RAB2A: variants seen among roughly 807,000 people sequenced by gnomAD.
RAB2A encodes RAB2A, member RAS oncogene family, also known as ras-related protein Rab-2A.
A neutral mutation model predicts 32.5 loss-of-function variants in RAB2A; 7 were observed. The ratio of observed to expected loss-of-function variants is 0.22; its 90% confidence interval spans 0.12 to 0.40. RAB2A has a LOEUF of 0.40. RAB2A is among the 10% of genes least tolerant of loss of function. The pLI is 1.00. For missense variants in RAB2A, 108 were observed against 260.7 expected (o/e 0.41, Z 4.03); for synonymous variants, 79 against 85.2 (o/e 0.93, Z 0.40).
chr8:60,545,251 C>T lies in RAB2A; in HGVS notation c.47-13601C>T, dbSNP rs556217180. On this transcript the variant is annotated intron_variant, in intron 1 of 7. Coordinates refer to ENST00000262646, the MANE Select transcript of RAB2A (RefSeq NM_002865.3). Reference sequence around the variant, plus strand: ...AAGAGGACTTAATTAGATTCTTGGGCCCCACGAAAGACGTGCTAAGTCTCT... The same window carrying T: ...AAGAGGACTTAATTAGATTCTTGGGTCCCACGAAAGACGTGCTAAGTCTCT... Among the ~76,000 whole-genome samples the T allele has an allele frequency of 9.9e-4, 151 of 152,218 alleles. 1 individual carries two copies. Among genetic ancestry groups the T allele is most frequent in the Middle Eastern group, 3.4e-3 (1 of 294 alleles).
intron 2 of RAB2A, among the ~76,000 whole-genome samples, chr8:60,569,246 TA>T (rs1397429301): frequency 1.6e-4 from 25 of 152,202 alleles, no homozygotes; most frequent in Non-Finnish European, 2.9e-4. Context: ...ATCTCATGAC[TA>T]AATATAATAC....
chr8:60,553,763 TGG>T (rs1807893617), intron 1 of RAB2A, among the ~76,000 whole-genome samples: 1 of 152,188 alleles, frequency 6.6e-6, no homozygotes, highest in African/African-American at 2.4e-5. Context: ...TAAAGTATTA[TGG>T]GAGCCCAAGG....
At chr8:60,581,437 G>A (rs1803748986) in intron 3 of RAB2A, among the ~76,000 whole-genome samples, 1 of 152,196 alleles carries the variant, frequency 6.6e-6, no homozygotes, top group Admixed American at 6.5e-5. Context: ...AGGATAGTGG[G>A]AGACTTTTAT....
intron 2 of RAB2A, among the ~76,000 whole-genome samples, chr8:60,567,203 C>T (rs1171002487): frequency 6.6e-6 from 1 of 151,532 alleles, no homozygotes; most frequent in Non-Finnish European, 1.5e-5. Context: ...GCAACCTCCA[C>T]CTCTTGGGTT....
At chr8:60,537,290 C>G (rs1462323164) in intron 1 of RAB2A, among the ~76,000 whole-genome samples, 1 of 152,082 alleles carries the variant, frequency 6.6e-6, no homozygotes, top group Non-Finnish European at 1.5e-5. Context: ...GGCGTGCTCT[C>G]AGCTCACTGC....
intron 1 of RAB2A, among the ~76,000 whole-genome samples, chr8:60,519,618 G>T (rs1051243567): frequency 1.3e-5 from 2 of 152,150 alleles, no homozygotes; most frequent in African/African-American, 2.4e-5. Context: ...ATTGATCCCA[G>T]ACTTTTCTGT....
At chr8:60,534,688 A>C (rs909459946) in intron 1 of RAB2A, among the ~76,000 whole-genome samples, 3 of 152,198 alleles carry the variant, frequency 2.0e-5, no homozygotes, top group Admixed American at 1.3e-4. Context: ...AAAATGTGGC[A>C]GTAAAGGGTT....
rs1807214555 is a variant in RAB2A at position 60,517,008 on chromosome 8, G to A, written c.-200G>A. 1 of 484,826 alleles carries A rather than the reference G, an allele frequency of 2.1e-6. No homozygotes were observed. The highest frequency in any genetic ancestry group is 3.5e-5 in the South Asian group (1 of 28,306). 30.0% of individuals were successfully genotyped at this position (484,826 alleles called of 1,614,324 possible). On this transcript the variant is annotated 5_prime_UTR_variant, in exon 1 of 8. Coordinates refer to ENST00000262646, the MANE Select transcript of RAB2A (RefSeq NM_002865.3). ...TGTTATTGTTCGGCTGGGCTCGGTC[G>A]GGCGCTGTCTCCCTCGGCTCTGCGG...
chr8:60,548,877 C>T (rs1197678848), intron 1 of RAB2A, among the ~76,000 whole-genome samples: 3 of 151,554 alleles, frequency 2.0e-5, no homozygotes, highest in Admixed American at 6.6e-5. Flanking sequence ...CTCCTCACTT[C>T]TCAGACAGGG....
In RAB2A at chr8:60,558,969, T is replaced by A. The variant is rs756545731; in HGVS notation, c.118+46T>A. 26 of 1,418,806 alleles carry A rather than the reference T, an allele frequency of 1.8e-5. No individual in the cohort carries two copies. In the South Asian group the frequency reaches 3.0e-4, roughly 16 times the overall value. The allele number at this position is 1,418,806 out of a possible 1,614,324, so 87.9% of individuals were successfully genotyped here. On this transcript the variant is annotated intron_variant, in intron 2 of 7. Transcript: ENST00000262646. ...GAGAAGCACTAAAAGTTTTGGATAG[T>A]TTAAATGGAAAATGCTAGAAGGTCC...
chr8:60,539,574 C>G (rs1023259260), intron 1 of RAB2A, among the ~76,000 whole-genome samples: 5 of 152,156 alleles, frequency 3.3e-5, no homozygotes, highest in African/African-American at 1.2e-4. Flanking sequence ...GGCATAAGTT[C>G]ACCAAATATA....
chr8:60,526,017 G>GCACACATATATA (rs879271913), intron 1 of RAB2A, among the ~76,000 whole-genome samples: 1 of 74,252 alleles, frequency 1.3e-5, no homozygotes, highest in Non-Finnish European at 2.6e-5. Context: ...ATGTGTGTGT[G>GCACACATATATA]TACATATATA....
At chr8:60,553,355 T>TA (rs1479049945) in intron 1 of RAB2A, among the ~76,000 whole-genome samples, 2 of 152,172 alleles carry the variant, frequency 1.3e-5, no homozygotes, top group African/African-American at 2.4e-5. Flanking sequence ...AGTCAGCTGA[T>TA]TATGGATTTT....
chr8:60,517,702 A>G (rs1302231898), intron 1 of RAB2A, among the ~76,000 whole-genome samples: 1 of 152,166 alleles, frequency 6.6e-6, no homozygotes, highest in Non-Finnish European at 1.5e-5. Context: ...ACCTTCCTCC[A>G]CCAGCACGCA....
At chr8:60,581,172 A>T (rs186893889) in intron 3 of RAB2A, among the ~76,000 whole-genome samples, 2 of 152,142 alleles carry the variant, frequency 1.3e-5, no homozygotes, top group African/African-American at 2.4e-5. Flanking sequence ...GAAAATCCCA[A>T]ACTTTTTGAG....
At position 60,594,943 on chromosome 8, in the gene RAB2A, C is replaced by T. The variant is rs538433806; in HGVS notation, c.474+2974C>T. ...TGTGAATACTGCCACAATAAACATA[C>T]GTAGCACAGTGTTTTGCAAGAGCAG... On this transcript the variant is annotated intron_variant, in intron 6 of 7. Transcript: ENST00000262646. Among the ~76,000 whole-genome samples the T allele has an allele frequency of 2.6e-5, 4 of 152,140 alleles. No homozygotes were observed. The East Asian group carries it at 7.7e-4, about 29-fold the overall frequency.
intron 2 of RAB2A, among the ~76,000 whole-genome samples, chr8:60,561,043 C>T (rs1808015299): frequency 6.6e-6 from 1 of 152,196 alleles, no homozygotes; most frequent in Admixed American, 6.5e-5. Flanking sequence ...GTGTGTTCTC[C>T]ATTCCTCTGG....
chr8:60,570,422 C>T (rs1808180650), intron 2 of RAB2A, among the ~76,000 whole-genome samples: 1 of 152,086 alleles, frequency 6.6e-6, no homozygotes, highest in South Asian at 2.1e-4. Flanking sequence ...CTGAGTATTT[C>T]AAAGAACATC....
intron 6 of RAB2A, among the ~76,000 whole-genome samples, chr8:60,601,656 T>C (rs1452935716): frequency 6.6e-6 from 1 of 152,126 alleles, no homozygotes; most frequent in African/African-American, 2.4e-5. Context: ...ATAGACTCTC[T>C]TAATTACATT....
Sources: gnomAD v4.1 joint callset for allele counts (sites outside exome capture counted in the v4.1 genomes callset) on GRCh38, gnomAD v4.1.1 for gene constraint, MANE v1.5 for transcripts, NCBI Gene and HGNC (gene_info 2026-07-23, HGNC 2026-07-21) for gene names.